ATP2B2: variants seen among roughly 807,000 people sequenced by gnomAD.
ATP2B2 encodes ATPase plasma membrane Ca2+ transporting 2.
ATP2B2 carries 15 observed loss-of-function variants against 120.0 expected under a neutral mutation model. That is an observed-to-expected ratio of 0.12 (90% CI 0.08 to 0.19). The LOEUF is 0.19. ATP2B2 is among the 10% of genes least tolerant of loss of function. ATP2B2 has a pLI of 1.00. For synonymous variants in ATP2B2, 694 were observed against 700.3 expected, an observed-to-expected ratio of 0.99 and a Z score of 0.14; for missense variants, 1,045 against 1,719.8, an observed-to-expected ratio of 0.61 and a Z score of 6.94.
chr3:10,394,388 C>T, intron 5 of ATP2B2: 2 of 467,224 alleles, frequency 4.3e-6, no homozygotes, highest in East Asian at 1.4e-4. Flanking sequence ...GGTTTTGGCG[C>T]AAGTTCAATC....
intron 1 of ATP2B2, among the ~76,000 whole-genome samples, chr3:10,471,896 C>A (rs886306717): frequency 6.6e-6 from 1 of 151,590 alleles, no homozygotes; most frequent in Non-Finnish European, 1.5e-5. Flanking sequence ...CTGGCGAACA[C>A]GGTGAAACCC....
chr3:10,657,589 A>T lies in ATP2B2; in HGVS notation c.-459-37628T>A, dbSNP rs549126083. Among the ~76,000 whole-genome samples the T allele has an allele frequency of 1.2e-3, 183 of 152,320 alleles. 1 individual carries two copies. Among genetic ancestry groups the T allele is most frequent in the Admixed American group, 5.9e-4 (9 of 15,306 alleles). Reference sequence around the variant, plus strand: ...TTGCTGTGGCTTGAGTAGGTAAACAAAGCGGCCTGGAAGCTTGAACTGGGT... The same window carrying T: ...TTGCTGTGGCTTGAGTAGGTAAACATAGCGGCCTGGAAGCTTGAACTGGGT... On this transcript the variant is annotated intron_variant, in intron 1 of 21. Coordinates refer to the ATP2B2 transcript ENST00000646379.
At chr3:10,450,351 G>A (rs1030782742) in intron 1 of ATP2B2, among the ~76,000 whole-genome samples, 2 of 151,778 alleles carry the variant, frequency 1.3e-5, no homozygotes, top group African/African-American at 4.8e-5. Context: ...CCCTTAACAT[G>A]TTTACACACG....
At chr3:10,595,777 G>C (rs1023065433) in intron 2 of ATP2B2, among the ~76,000 whole-genome samples, 1 of 152,128 alleles carries the variant, frequency 6.6e-6, no homozygotes, top group Non-Finnish European at 1.5e-5. Flanking sequence ...AACATCATTT[G>C]TTAATCGACA....
intron 3 of ATP2B2, among the ~76,000 whole-genome samples, chr3:10,405,463 G>A (rs1575136374): frequency 6.6e-6 from 1 of 151,968 alleles, no homozygotes; most frequent in South Asian, 2.1e-4. Context: ...GTAGGGATTC[G>A]GCCACCTGGA....
At chr3:10,610,144 T>C (rs1392737551) in intron 2 of ATP2B2, among the ~76,000 whole-genome samples, 2 of 74,588 alleles carry the variant, frequency 2.7e-5, no homozygotes, top group Non-Finnish European at 2.2e-5. Flanking sequence ...TACATGTATA[T>C]ATATATATAT....
chr3:10,476,429 T>G (rs1490844447), intron 1 of ATP2B2, among the ~76,000 whole-genome samples: 2 of 152,152 alleles, frequency 1.3e-5, no homozygotes, highest in Non-Finnish European at 2.9e-5. Flanking sequence ...CGTGTAGAAA[T>G]AGCACCAAGA....
intron 8 of ATP2B2, among the ~76,000 whole-genome samples, chr3:10,381,231 C>T (rs926359128): frequency 6.6e-6 from 1 of 152,236 alleles, no homozygotes; most frequent in Admixed American, 6.5e-5. Flanking sequence ...GAAAGACCCC[C>T]TGTGTCTCTA....
Position 10,575,867 on chromosome 3 carries a change from A to G in ATP2B2, c.-414-41734T>C, listed in dbSNP as rs374950250. Among the ~76,000 whole-genome samples the G allele has an allele frequency of 2.2e-4, 33 of 152,196 alleles. No homozygotes were observed. In the East Asian group the frequency reaches 4.8e-3, roughly 22 times the overall value. On this transcript the variant is annotated intron_variant, in intron 2 of 21. Transcript: ENST00000646379. ...GAGAAGCGCTAGTTATTTGAGGGAG[A>G]ATCTGACTTCTGGAAACTGTCCAAA...
At chr3:10,470,810 G>C (rs1415810094) in intron 1 of ATP2B2, among the ~76,000 whole-genome samples, 1 of 152,150 alleles carries the variant, frequency 6.6e-6, no homozygotes, top group Non-Finnish European at 1.5e-5. Flanking sequence ...GCACAGAGCA[G>C]TGACCTTTGA....
At chr3:10,335,952 C>T (rs766522150) in intron 22 of ATP2B2, among the ~76,000 whole-genome samples, 14 of 152,316 alleles carry the variant, frequency 9.2e-5, no homozygotes, top group Non-Finnish European at 1.6e-4. Flanking sequence ...TGACTGCCAC[C>T]GCATGACTGG....
At chr3:10,527,326 C>T (rs549723528) in intron 3 of ATP2B2, among the ~76,000 whole-genome samples, 10 of 152,330 alleles carry the variant, frequency 6.6e-5, no homozygotes, top group African/African-American at 2.4e-4. Context: ...GAACTGTTAC[C>T]ACCACCCCCA....
chr3:10,374,008 G>A (rs928048861), intron 11 of ATP2B2, among the ~76,000 whole-genome samples: 3 of 152,186 alleles, frequency 2.0e-5, no homozygotes, highest in Admixed American at 2.0e-4. Context: ...GGCACAGTCT[G>A]CCTCTCCTGT....
Position 10,359,911 on chromosome 3 carries a change from G to C in ATP2B2, c.1872C>G (p.Ser624Arg). 1 of 1,614,248 alleles carries C rather than the reference G, an allele frequency of 6.2e-7. No individual in the cohort carries two copies. The highest frequency in any genetic ancestry group is 8.5e-7 in the Non-Finnish European group (1 of 1,180,034). ...TGAGCACGATCTCAGAAGCCCCCTT[G>C]CTGTACATGCGGAAGCTCTCGTCGG... Reference protein sequence around the residue: ...KLPDESFRMYSKGASEIVLKK... With the variant: ...KLPDESFRMYRKGASEIVLKK... The change falls in exon 13 of 23, where the codon AGC (serine) becomes AGG (arginine). Residue 624 changes from serine to arginine, a missense_variant. Around this residue, in one of 11 missense-constraint regions of ATP2B2, gnomAD observed 343 missense variants for 536.8 expected, o/e 0.64. Coordinates refer to ENST00000360273, the MANE Select transcript of ATP2B2 (RefSeq NM_001001331.4).
At chr3:10,514,712 G>T (rs972231540) in intron 3 of ATP2B2, among the ~76,000 whole-genome samples, 1 of 152,180 alleles carries the variant, frequency 6.6e-6, no homozygotes, top group Non-Finnish European at 1.5e-5. Flanking sequence ...CTTGCTCAGG[G>T]CTCATCTTCA....
intron 1 of ATP2B2, among the ~76,000 whole-genome samples, chr3:10,691,766 T>C (rs1478509624): frequency 6.6e-6 from 1 of 152,242 alleles, no homozygotes; most frequent in Non-Finnish European, 1.5e-5. Context: ...CCAGGGTTTC[T>C]ACATGTCTGC....
At position 10,326,579 on chromosome 3, in the gene ATP2B2, G is replaced by C. The variant is rs1559510957; in HGVS notation, c.*2235C>G. The C allele has an allele frequency of 2.5e-6, 1 of 397,928 alleles. No homozygotes were observed. Among genetic ancestry groups the C allele is most frequent in the East Asian group, 3.6e-5 (1 of 28,074 alleles). 24.6% of individuals were successfully genotyped at this position (397,928 alleles called of 1,614,324 possible). On this transcript the variant is annotated 3_prime_UTR_variant, in exon 23 of 23. Transcript: ENST00000360273. ...GGCTGCCCCATGTTTTACACGTGCA[G>C]ATCTTTCCTTCCTTGTAGGAGAGCA...
intron 1 of ATP2B2, among the ~76,000 whole-genome samples, chr3:10,700,200 C>A (rs1443378950): frequency 1.3e-5 from 2 of 152,004 alleles, no homozygotes; most frequent in Non-Finnish European, 2.9e-5. Flanking sequence ...GTGGTGAGCT[C>A]ATTCCTGTGC....
intron 1 of ATP2B2, among the ~76,000 whole-genome samples, chr3:10,668,270 G>A (rs575220052): frequency 6.6e-6 from 1 of 152,234 alleles, no homozygotes; most frequent in Non-Finnish European, 1.5e-5. Flanking sequence ...TCGGGTAAAG[G>A]TTCAGAGAGG....
Sources: gnomAD v4.1 joint callset for allele counts (sites outside exome capture counted in the v4.1 genomes callset) on GRCh38, gnomAD v4.1.1 for gene constraint, gnomAD v4.1.1 regional missense constraint, MANE v1.5 for transcripts, NCBI Gene and HGNC (gene_info 2026-07-23, HGNC 2026-07-21) for gene names.